DOCK10: variants seen among roughly 807,000 people sequenced by gnomAD.
DOCK10 encodes the protein dedicator of cytokinesis protein 10.
A neutral mutation model predicts 280.1 loss-of-function variants in DOCK10; 145 were observed. That is an observed-to-expected ratio of 0.52 (90% CI 0.45 to 0.59). DOCK10 has a LOEUF of 0.59. Among genes scored for constraint, DOCK10 ranks in the 20% least tolerant of loss-of-function variants. DOCK10 has a pLI of 0.00. For synonymous variants in DOCK10, 915 were observed against 942.2 expected, an observed-to-expected ratio of 0.97 and a Z score of 0.53; for missense variants, 2,368 against 2,651.7, an observed-to-expected ratio of 0.89 and a Z score of 2.35.
At chr2:224,802,156 G>T in intron 39 of DOCK10, 116 bp from the exon 40 acceptor site, 2 of 1,064,930 alleles carry the variant, frequency 1.9e-6, no homozygotes, top group South Asian at 1.8e-5. Context: ...AGTTTGGAAA[G>T]CAACTTTTTA....
In DOCK10 at chr2:224,773,225, G is replaced by A. The variant is rs1354720070; in HGVS notation, c.6136C>T (p.Leu2046Phe). 4 of 1,613,830 alleles carry A rather than the reference G, an allele frequency of 2.5e-6. No homozygotes were observed. The highest frequency in any genetic ancestry group is 1.3e-5 in the African/African-American group (1 of 74,938). The change falls in exon 53 of 56, where the codon CTT becomes TTT. Residue 2046 changes from leucine (L) to phenylalanine (F), a missense_variant. By Grantham distance (22) the Leu-to-Phe change is conservative. Transcript: ENST00000258390. Reference protein sequence around the residue: ...MSKKVSELNQLCTMEEVDMIR... With the variant: ...MSKKVSELNQFCTMEEVDMIR... ...ATGTCCACTTCTTCCATTGTGCAAA[G>A]CTGATTAAGCTCAGAAACCTTCTTG...
Position 224,775,037 on chromosome 2 carries a change from T to C in DOCK10, c.5881A>G (p.Ile1961Val), listed in dbSNP as rs374538454. ...TCGAAATCTGTCTTCCGGTCTTCGA[T>C]TTCCTTTTCCTCAAAGAACGGCGTC... is the stretch of plus-strand genomic sequence containing the variant. Reference protein sequence around the residue: ...YVTPFFEEKEIEDRKTDFEMH... With the variant: ...YVTPFFEEKEVEDRKTDFEMH... Residue 1961 changes from isoleucine (I) to valine (V), a missense_variant, in exon 52 of 56, where the codon ATC (isoleucine) becomes GTC (valine). Ile to Val is a conservative substitution (Grantham distance 29, BLOSUM62 3). This residue lies in a region of DOCK10 where 1,159 missense variants were observed against 1,400.8 expected (regional missense o/e 0.83). Transcript: ENST00000258390. 5.6e-6 allele frequency: 9 copies of C among 1,613,884 alleles called. No homozygotes were observed. The highest frequency in any genetic ancestry group is 7.6e-6 in the Non-Finnish European group (9 of 1,179,890).
At chr2:225,012,493 A>G (rs1464699160) in intron 1 of DOCK10, among the ~76,000 whole-genome samples, 1 of 152,210 alleles carries the variant, frequency 6.6e-6, no homozygotes, top group East Asian at 1.9e-4. Context: ...GATGAAGACA[A>G]TTCCCAAATT....
chr2:224,800,133 T>C lies in DOCK10; in HGVS notation c.4506+18A>G. On this transcript the variant is annotated intron_variant, in intron 41 of 55. Coordinates refer to ENST00000258390, the MANE Select transcript of DOCK10 (RefSeq NM_014689.3). ...ATATTTCATCATTTTTTGCAGAAAA[T>C]GTTATCATCATATTCACCTGATGAG... 6.9e-7 allele frequency: 1 copy of C among 1,456,554 alleles called. No individual in the cohort carries two copies. The highest frequency in any genetic ancestry group is 9.5e-7 in the Non-Finnish European group (1 of 1,055,444). 90.2% of individuals were successfully genotyped at this position (1,456,554 alleles called of 1,614,324 possible).
At chr2:224,926,325 G>T (rs1008610151) in intron 2 of DOCK10, among the ~76,000 whole-genome samples, 1 of 152,198 alleles carries the variant, frequency 6.6e-6, no homozygotes, top group Admixed American at 6.5e-5. Context: ...ATTGTGTTGG[G>T]TACTTGAAGT....
At chr2:224,774,444 G>T (rs902270681) in intron 52 of DOCK10, among the ~76,000 whole-genome samples, 1 of 152,230 alleles carries the variant, frequency 6.6e-6, no homozygotes, top group Non-Finnish European at 1.5e-5. Flanking sequence ...AGGATGACTA[G>T]CTCACAGCAT....
rs960281979 is a variant in DOCK10 at position 224,863,312 on chromosome 2, C to G, written c.1603-566G>C. Among the ~76,000 whole-genome samples, 5 of 152,150 alleles carry G rather than the reference C, an allele frequency of 3.3e-5. No homozygotes were observed. In the East Asian group the frequency reaches 9.6e-4, roughly 29 times the overall value. On this transcript the variant is annotated intron_variant, in intron 13 of 55. Transcript: ENST00000258390. ...ATTTGGCCTGCACACCATAGTTTGC[C>G]AAACACTGAATTATGGGACTCTCAT...
At position 224,885,721 on chromosome 2, in the gene DOCK10, T is replaced by C; in HGVS notation, c.697A>G (p.Lys233Glu). 1 of 1,613,744 alleles carries C rather than the reference T, an allele frequency of 6.2e-7. No homozygotes were observed. The highest frequency in any genetic ancestry group is 8.5e-7 in the Non-Finnish European group (1 of 1,179,782). ...MNFYKDEKIS[K>E]EPKGCIFLDS... ...AAAAAGATGCATCCTTTGGGTTCTTTGGATATTTTCTCATCTTTGTAAAAG... is the reference window on the plus strand; with the variant it reads ...AAAAAGATGCATCCTTTGGGTTCTTCGGATATTTTCTCATCTTTGTAAAAG... Residue 233 changes from lysine (K) to glutamate (E), a missense_variant, in exon 7 of 56, where the codon AAA becomes GAA. Transcript: ENST00000258390.
At chr2:224,869,734 T>A (rs1422924249) in intron 11 of DOCK10, among the ~76,000 whole-genome samples, 2 of 152,224 alleles carry the variant, frequency 1.3e-5, no homozygotes, top group Non-Finnish European at 1.5e-5. Context: ...TGGTTCTCTG[T>A]ACTTGGCTGT....
intron 13 of DOCK10, among the ~76,000 whole-genome samples, 167 bp from the exon 14 acceptor site, chr2:224,862,913 C>T (rs559202910): frequency 6.6e-6 from 1 of 152,286 alleles, no homozygotes; most frequent in Non-Finnish European, 1.5e-5. Context: ...CCTATGTGTT[C>T]AAACTATTGT....
intron 24 of DOCK10, among the ~76,000 whole-genome samples, chr2:224,838,954 G>A (rs1249018979): frequency 6.6e-6 from 1 of 152,126 alleles, no homozygotes; most frequent in Admixed American, 6.5e-5. Flanking sequence ...CAGCCACTCT[G>A]GAGAATAGGC....
chr2:224,826,576 T>C (rs1694867859), intron 27 of DOCK10, among the ~76,000 whole-genome samples: 1 of 151,970 alleles, frequency 6.6e-6, no homozygotes, highest in Non-Finnish European at 1.5e-5. Flanking sequence ...AAGTTTACTG[T>C]GAATGCTTTG....
rs577911677 is a variant in DOCK10, at chr2:224,804,856, A to G, written c.4119-15T>C. On this transcript the variant is annotated splice_polypyrimidine_tract_variant and intron_variant, in intron 37 of 55. Transcript: ENST00000258390. ...GAAGACAAACGCTAGAAAGGAGAAAAAAACCACATTTTAATTATTCATATT... is the reference window on the plus strand; with the variant it reads ...GAAGACAAACGCTAGAAAGGAGAAAGAAACCACATTTTAATTATTCATATT... 6.7e-7 allele frequency: 1 copy of G among 1,499,192 alleles called. No individual in the cohort carries two copies. Among genetic ancestry groups the G allele is most frequent in the African/African-American group, 1.4e-5 (1 of 70,648 alleles). The allele number at this position is 1,499,192 out of a possible 1,614,324, so 92.9% of individuals were successfully genotyped here.
intron 15 of DOCK10, 82 bp downstream of exon 15, chr2:224,856,778 T>G: frequency 1.0e-4 from 134 of 1,305,274 alleles, no homozygotes; most frequent in Non-Finnish European, 1.2e-4. Context: ...TGTTCGAGAA[T>G]GAGATCCTCA....
chr2:224,838,296 AT>A (rs1695723576), intron 24 of DOCK10, among the ~76,000 whole-genome samples: 1 of 152,232 alleles, frequency 6.6e-6, no homozygotes, highest in Non-Finnish European at 1.5e-5. Context: ...GGAAAAAGTA[AT>A]TAGGTTAAGA....
intron 1 of DOCK10, among the ~76,000 whole-genome samples, chr2:225,041,992 G>A (rs1690442771): frequency 6.6e-6 from 1 of 152,202 alleles, no homozygotes; most frequent in Admixed American, 6.5e-5. Flanking sequence ...CCTCTCCCAC[G>A]CTGCGCTTCT....
chr2:224,802,582 C>G (rs1162901836), intron 39 of DOCK10, among the ~76,000 whole-genome samples: 1 of 152,064 alleles, frequency 6.6e-6, no homozygotes, highest in Admixed American at 6.6e-5. Flanking sequence ...GTTAAAGGAC[C>G]TCTGTGCCTC....
At chr2:224,902,967 A>G (rs896039492) in intron 3 of DOCK10, among the ~76,000 whole-genome samples, 19 of 151,904 alleles carry the variant, frequency 1.3e-4, no homozygotes, top group East Asian at 1.2e-3. Flanking sequence ...TTGTGGTGGC[A>G]GGCGCCTGTA....
In DOCK10 at chr2:224,957,290, C is replaced by CCA. The variant is rs1553622526; in HGVS notation, c.124-25623_124-25622insTG. On this transcript the variant is annotated intron_variant, in intron 1 of 55. Transcript: ENST00000258390. ...GTATTTAGTTTTTACTTTCCGCCCC[C>CCA]CCCCGGCTTTGTTTTTCGGAGATGG... Among the ~76,000 whole-genome samples the CCA allele has an allele frequency of 7.5e-5, 11 of 146,602 alleles. 1 individual carries two copies. Among genetic ancestry groups the CCA allele is most frequent in the African/African-American group, 1.6e-4 (6 of 38,490 alleles).
Sources: gnomAD v4.1 joint callset for allele counts (sites outside exome capture counted in the v4.1 genomes callset) on GRCh38, gnomAD v4.1.1 for gene constraint, gnomAD v4.1.1 regional missense constraint, MANE v1.5 for transcripts, NCBI Gene and HGNC (gene_info 2026-07-23, HGNC 2026-07-21) for gene names.